Variants in CALN1 observed in about 807,000 individuals in gnomAD.
CALN1 encodes the protein calneuron 1.
Under a neutral mutation model 30.6 loss-of-function variants are expected in CALN1, and 17 were observed. The observed-to-expected ratio is 0.56, with a 90% CI of 0.38 to 0.83. The LOEUF is 0.83. Among genes scored for constraint, CALN1 ranks in the 40% least tolerant of loss-of-function variants. The probability of loss-of-function intolerance (pLI) is 0.00; values close to 1 mark genes in which losing one functional copy is unlikely to be tolerated. For missense variants in CALN1, 291 were observed against 354.9 expected (o/e 0.82, Z 1.45); for synonymous variants, 156 against 131.4 (o/e 1.19, Z -1.28).
intron 3 of CALN1, among the ~76,000 whole-genome samples, chr7:72,241,373 C>T (rs149042620): frequency 1.3e-4 from 20 of 151,822 alleles, no homozygotes; most frequent in African/African-American, 3.4e-4. Context: ...AAGAATGGTA[C>T]GAGCACATTC....
chr7:72,168,014 A>G (rs1303748642), intron 3 of CALN1, among the ~76,000 whole-genome samples: 1 of 152,204 alleles, frequency 6.6e-6, no homozygotes, highest in Admixed American at 6.5e-5. Context: ...TGAACTTAAT[A>G]AAGGAATTAT....
intron 2 of CALN1, among the ~76,000 whole-genome samples, chr7:72,330,012 C>A (rs1306367013): frequency 6.7e-6 from 1 of 148,640 alleles, no homozygotes; most frequent in African/African-American, 2.5e-5. Flanking sequence ...AAAATTAGGT[C>A]GGGCGCAGTG....
rs149945527 is a variant in CALN1, at chr7:72,378,083, G to C, written c.119+25168C>G. Among the ~76,000 whole-genome samples, 179 of 152,008 alleles carry C rather than the reference G, an allele frequency of 1.2e-3. 1 individual carries two copies. The highest frequency in any genetic ancestry group is 4.1e-3 in the African/African-American group (170 of 41,474). On this transcript the variant is annotated intron_variant, in intron 2 of 6. Coordinates refer to ENST00000395275, the MANE Select transcript of CALN1 (RefSeq NM_031468.4). ...CATTGGCTTAAACAGCAGGAACTAAGTCATTTGCCTGCAAATGTTTTCAAC... is the reference window on the plus strand; with the variant it reads ...CATTGGCTTAAACAGCAGGAACTAACTCATTTGCCTGCAAATGTTTTCAAC...
intron 2 of CALN1, among the ~76,000 whole-genome samples, chr7:72,339,637 G>T (rs1375642493): frequency 6.6e-6 from 1 of 152,214 alleles, no homozygotes; most frequent in East Asian, 1.9e-4. Context: ...CTAAGACTGG[G>T]TAATATACAA....
intron 3 of CALN1, among the ~76,000 whole-genome samples, chr7:72,213,102 G>C (rs1037278992): frequency 7.2e-5 from 11 of 152,180 alleles, no homozygotes; most frequent in African/African-American, 1.4e-4. Flanking sequence ...TGAAGACGTG[G>C]GTCCGTTCTG....
At position 71,784,898 on chromosome 7, in the gene CALN1, T is replaced by C. The variant is rs1792904891; in HGVS notation, c.*2877A>G. On this transcript the variant is annotated 3_prime_UTR_variant, in exon 7 of 7. Coordinates refer to ENST00000395275, the MANE Select transcript of CALN1 (RefSeq NM_031468.4). ...TAGCCACCATGATGGGGACACTGAC[T>C]GGCATGGGGCCCTAGCATAAAATTT... is the stretch of plus-strand genomic sequence containing the variant. The C allele has an allele frequency of 2.5e-6, 1 of 398,734 alleles. No individual in the cohort carries two copies. The highest frequency in any genetic ancestry group is 4.4e-6 in the Non-Finnish European group (1 of 226,164). 24.7% of individuals were successfully genotyped at this position (398,734 alleles called of 1,614,324 possible). A position where few individuals can be genotyped will look rare whatever the true frequency, so the allele number is the denominator to read the frequency against.
At chr7:72,349,663 T>A (rs377542994) in intron 2 of CALN1, among the ~76,000 whole-genome samples, 11 of 152,312 alleles carry the variant, frequency 7.2e-5, no homozygotes, top group African/African-American at 2.4e-4. Flanking sequence ...GTCATGACGG[T>A]TTTGACTTGC....
At chr7:72,411,656 G>A (rs774426255) in intron 1 of CALN1, among the ~76,000 whole-genome samples, 34 of 152,182 alleles carry the variant, frequency 2.2e-4, no homozygotes, top group Non-Finnish European at 4.1e-4. Context: ...GTCTTGTCAG[G>A]CCTAAAAGTG....
chr7:72,492,859 G>T, the CALN1 span, among the ~76,000 whole-genome samples: 1 of 152,174 alleles, frequency 6.6e-6, no homozygotes, highest in Non-Finnish European at 1.5e-5. Context: ...ATGGACAATG[G>T]TATGTTCGAT....
chr7:72,404,760 T>C (rs775839359), intron 1 of CALN1, among the ~76,000 whole-genome samples: 4 of 152,106 alleles, frequency 2.6e-5, no homozygotes, highest in Admixed American at 2.0e-4. Flanking sequence ...GCTCAAAAAA[T>C]GACTGTAGAA....
intron 2 of CALN1, among the ~76,000 whole-genome samples, chr7:72,359,116 C>T (rs1803408471): frequency 6.6e-6 from 1 of 152,098 alleles, no homozygotes; most frequent in South Asian, 2.1e-4. Flanking sequence ...GATACTATTC[C>T]TCCCCATTTT....
intron 2 of CALN1, among the ~76,000 whole-genome samples, chr7:72,284,315 T>A (rs533098144): frequency 2.0e-5 from 3 of 152,256 alleles, no homozygotes; most frequent in Non-Finnish European, 4.4e-5. Context: ...ATTAAATAAA[T>A]AAACTAAAGA....
chr7:71,872,902 C>T (rs1484162273), intron 5 of CALN1, among the ~76,000 whole-genome samples: 1 of 151,960 alleles, frequency 6.6e-6, no homozygotes, highest in Non-Finnish European at 1.5e-5. Context: ...GCATGAGCCA[C>T]GGCGCCCGGC....
chr7:71,963,186 A>C (rs1416565479), intron 5 of CALN1, among the ~76,000 whole-genome samples: 1 of 152,140 alleles, frequency 6.6e-6, no homozygotes, highest in Non-Finnish European at 1.5e-5. Context: ...TTTTTGAGAC[A>C]GAGTCTTGCT....
chr7:72,216,635 T>G (rs505671), intron 3 of CALN1, among the ~76,000 whole-genome samples: 110,413 of 151,838 alleles, frequency 0.73, 41,118 homozygotes, highest in East Asian at 1. Context: ...CACTCCTGAG[T>G]TCTAGACATA....
chr7:71,968,672 G>A (rs1008529228), intron 5 of CALN1, among the ~76,000 whole-genome samples: 4 of 151,036 alleles, frequency 2.6e-5, no homozygotes, highest in Admixed American at 1.3e-4. Flanking sequence ...GTGAGCCACC[G>A]TGCCGGGACC....
intron 1 of CALN1, among the ~76,000 whole-genome samples, chr7:72,422,216 A>C (rs1807634718): frequency 6.6e-6 from 1 of 152,196 alleles, no homozygotes; most frequent in South Asian, 2.1e-4. Flanking sequence ...TGTTTTCCAT[A>C]GTGGCCGTAC....
At chr7:72,197,841 G>C (rs748509627) in intron 3 of CALN1, among the ~76,000 whole-genome samples, 3 of 151,984 alleles carry the variant, frequency 2.0e-5, no homozygotes, top group Non-Finnish European at 4.4e-5. Flanking sequence ...GGACAATACA[G>C]AAAGATCCTG....
chr7:72,014,514 G>C (rs1390075100), intron 5 of CALN1, among the ~76,000 whole-genome samples: 2 of 152,168 alleles, frequency 1.3e-5, no homozygotes, highest in African/African-American at 2.4e-5. Context: ...GTGAGGTCGA[G>C]CTGTTTTAAT....
Sources: allele counts gnomAD v4.1 joint callset (sites outside exome capture counted in the v4.1 genomes callset), GRCh38; gene constraint gnomAD v4.1.1; transcripts MANE v1.5; gene names NCBI Gene and HGNC (gene_info 2026-07-23, HGNC 2026-07-21).